CCDC171: variants seen among roughly 807,000 people sequenced by gnomAD.
CCDC171 encodes the protein coiled-coil domain containing 171, also known as coiled-coil domain-containing protein 171.
Under a neutral mutation model 168.2 loss-of-function variants are expected in CCDC171, and 177 were observed. That is an observed-to-expected ratio of 1.05 (90% CI 0.93 to 1.19). The LOEUF is 1.19. Among genes scored for constraint, CCDC171 ranks in the 50% most tolerant of loss-of-function variants. The pLI is 0.00. For synonymous variants in CCDC171, 687 were observed against 540.8 expected (o/e 1.27, Z -3.75); for missense variants, 1,991 against 1,539.0 (o/e 1.29, Z -4.91).
intron 7 of CCDC171, among the ~76,000 whole-genome samples, chr9:15,656,541 A>G (rs2047952183): frequency 6.6e-6 from 1 of 152,238 alleles, no homozygotes; most frequent in South Asian, 2.1e-4. Context: ...AAAGTGGAAC[A>G]CTATTTAACA....
intron 24 of CCDC171, among the ~76,000 whole-genome samples, chr9:15,903,945 A>T (rs1439883317): frequency 6.6e-6 from 1 of 152,228 alleles, no homozygotes; most frequent in African/African-American, 2.4e-5. Flanking sequence ...GATCAAATGA[A>T]TGAAATGAAG....
chr9:15,739,617 C>CTAT (rs2054719414), intron 16 of CCDC171, among the ~76,000 whole-genome samples: 1 of 152,052 alleles, frequency 6.6e-6, no homozygotes, highest in South Asian at 2.1e-4. Context: ...TGAATAAGCA[C>CTAT]TATAATATTC....
At chr9:15,985,791 T>A (rs137905950) in intron 3 of CCDC171, among the ~76,000 whole-genome samples, 2 of 152,306 alleles carry the variant, frequency 1.3e-5, no homozygotes, top group African/African-American at 4.8e-5. Flanking sequence ...ATTTAAAAGA[T>A]AGAAAAAATG....
chr9:15,989,805 G>A (rs2891004), intron 3 of CCDC171, among the ~76,000 whole-genome samples: 129,404 of 152,064 alleles, frequency 0.85, 55,117 homozygotes, highest in East Asian at 0.96. Flanking sequence ...AGCTGATTCT[G>A]TCAACTGGAG....
chr9:15,622,507 A>G (rs1326405200), intron 6 of CCDC171, among the ~76,000 whole-genome samples: 2 of 152,200 alleles, frequency 1.3e-5, no homozygotes, highest in African/African-American at 2.4e-5. Context: ...GTGTTTGTCC[A>G]TGAATAACAT....
exon 2 of CCDC171, chr9:16,061,210 A>T (rs1391290755): frequency 1.3e-5 from 2 of 152,192 alleles, no homozygotes; most frequent in African/African-American, 4.8e-5. Context: ...TTCTATAGGG[A>T]TGATGAAAGC....
chr9:16,015,896 A>G (rs1833001364), intron 3 of CCDC171, among the ~76,000 whole-genome samples: 2 of 152,320 alleles, frequency 1.3e-5, no homozygotes, highest in South Asian at 4.1e-4. Context: ...GGCTTATTTC[A>G]CTTAGCGTAA....
At chr9:16,108,667 C>T in the CCDC171 span, among the ~76,000 whole-genome samples, 1 of 152,172 alleles carries the variant, frequency 6.6e-6, no homozygotes, top group South Asian at 2.1e-4. Flanking sequence ...ACCTCCATTC[C>T]ACAAAGCATG....
intron 6 of CCDC171, among the ~76,000 whole-genome samples, chr9:15,598,360 G>A (rs199883490): frequency 7.9e-5 from 12 of 152,024 alleles, no homozygotes; most frequent in East Asian, 1.9e-4. Flanking sequence ...CTTTGTTCTC[G>A]TTGGTTTCAA....
chr9:15,635,733 G>C (rs1007663715), intron 7 of CCDC171, among the ~76,000 whole-genome samples: 4 of 152,188 alleles, frequency 2.6e-5, no homozygotes, highest in Admixed American at 1.3e-4. Context: ...CAGCCATAAT[G>C]AATAATGCCA....
intron 3 of CCDC171, among the ~76,000 whole-genome samples, chr9:15,991,071 C>T (rs1437013681): frequency 2.0e-5 from 3 of 152,170 alleles, no homozygotes; most frequent in African/African-American, 7.2e-5. Context: ...CTGCACCAAG[C>T]AGACCTAATA....
At chr9:15,687,630 C>G (rs1329880453) in intron 10 of CCDC171, among the ~76,000 whole-genome samples, 3 of 152,014 alleles carry the variant, frequency 2.0e-5, no homozygotes, top group East Asian at 3.8e-4. Context: ...CAATTGATAA[C>G]TTTAGCTACA....
At chr9:16,027,418 C>T (rs369594797) in intron 6 of CCDC171, among the ~76,000 whole-genome samples, 18 of 152,064 alleles carry the variant, frequency 1.2e-4, no homozygotes, top group Non-Finnish European at 1.5e-4. Context: ...GGGTGGAGGG[C>T]GTCTCCACCA....
At chr9:15,676,143 C>G (rs2049539332) in intron 9 of CCDC171, among the ~76,000 whole-genome samples, 1 of 152,062 alleles carries the variant, frequency 6.6e-6, no homozygotes, top group Admixed American at 6.6e-5. Context: ...TCACTGATAT[C>G]CTTTCTTCCA....
chr9:15,756,634 A>G (rs1284350272), intron 18 of CCDC171, among the ~76,000 whole-genome samples: 1 of 152,070 alleles, frequency 6.6e-6, no homozygotes, highest in Non-Finnish European at 1.5e-5. Flanking sequence ...AACATGCGGT[A>G]TTTGCTTTTC....
chr9:16,036,937 C>T (rs1833482014), intron 8 of CCDC171, among the ~76,000 whole-genome samples: 1 of 152,148 alleles, frequency 6.6e-6, no homozygotes, highest in African/African-American at 2.4e-5. Flanking sequence ...AAGACAAATA[C>T]TGCATGTTTT....
intron 25 of CCDC171, among the ~76,000 whole-genome samples, chr9:15,958,526 A>ATATTATATTATATTG (rs1830035303): frequency 7.1e-6 from 1 of 140,484 alleles, no homozygotes; most frequent in East Asian, 2.0e-4. Context: ...GTATTATATT[A>ATATTATATTATATTG]TATTATATTA....
chr9:15,817,177 T>A (rs2059590131), intron 21 of CCDC171, among the ~76,000 whole-genome samples: 1 of 118,022 alleles, frequency 8.5e-6, no homozygotes, highest in African/African-American at 3.2e-5. Flanking sequence ...CAAGAACCTT[T>A]GCCAGTGTGA....
At position 15,591,350 on chromosome 9, in the gene CCDC171, A is replaced by T; in HGVS notation, c.353-16A>T. On this transcript the variant is annotated splice_polypyrimidine_tract_variant and intron_variant, in intron 4 of 25. Transcript: ENST00000380701. ...ATTCATGGTTGTAAATGTACCTATTATTCTATTCTTAATAGCACAGAATTC... is the reference window on the plus strand; with the variant it reads ...ATTCATGGTTGTAAATGTACCTATTTTTCTATTCTTAATAGCACAGAATTC... 6.6e-7 allele frequency: 1 copy of T among 1,516,930 alleles called. No individual in the cohort carries two copies. The allele number at this position is 1,516,930 out of a possible 1,614,324, so 94.0% of individuals were successfully genotyped here.
Sources: allele counts gnomAD v4.1 joint callset (sites outside exome capture counted in the v4.1 genomes callset), GRCh38; gene constraint gnomAD v4.1.1; transcripts MANE v1.5; gene names NCBI Gene and HGNC (gene_info 2026-07-23, HGNC 2026-07-21).